The following FIGN variants were observed in gnomAD, a reference collection of about 807,000 sequenced individuals.
FIGN encodes fidgetin.
In FIGN, 11 loss-of-function variants were observed where a neutral mutation model predicts 51.3. That is an observed-to-expected ratio of 0.21 (90% CI 0.13 to 0.35). FIGN has a LOEUF of 0.35. Ranked by LOEUF, FIGN falls within the 10% of genes least tolerant of loss-of-function variation. FIGN has a pLI of 1.00. For synonymous variants in FIGN, 407 were observed against 363.2 expected (o/e 1.12, Z -1.37); for missense variants, 857 against 943.6 (o/e 0.91, Z 1.20).
At chr2:163,717,561 T>A (rs1345410928) in intron 2 of FIGN, among the ~76,000 whole-genome samples, 1 of 152,058 alleles carries the variant, frequency 6.6e-6, no homozygotes, top group Non-Finnish European at 1.5e-5. Context: ...CTCTGAGGGC[T>A]TTCAGAGGGA....
intron 2 of FIGN, among the ~76,000 whole-genome samples, chr2:163,733,994 C>A (rs1684972402): frequency 6.9e-6 from 1 of 145,696 alleles, no homozygotes; most frequent in Non-Finnish European, 1.5e-5. Context: ...TTTGGTTATG[C>A]AAAATACTTT....
In FIGN at chr2:163,604,171, A is replaced by T. The variant is rs1271206499; in HGVS notation, c.*5381T>A. ...CAATCACTGAAGACTATAGTTGAAA[A>T]TAGTTAAGTACCATTATTTCTCTTA... On this transcript the variant is annotated 3_prime_UTR_variant, in exon 3 of 3. Coordinates refer to ENST00000333129, the MANE Select transcript of FIGN (RefSeq NM_018086.4). 6.6e-6 allele frequency: 1 copy of T among 152,136 alleles called. No individual in the cohort carries two copies. The highest frequency in any genetic ancestry group is 2.4e-5 in the African/African-American group (1 of 41,456). The allele number at this position is 152,136 out of a possible 1,614,324, so 9.4% of individuals were successfully genotyped here.
intron 2 of FIGN, among the ~76,000 whole-genome samples, chr2:163,685,460 G>C (rs1413231133): frequency 6.6e-6 from 1 of 152,030 alleles, no homozygotes; most frequent in Non-Finnish European, 1.5e-5. Context: ...ATGTTTGGCC[G>C]TGTTCCCCTT....
chr2:163,700,559 G>T (rs1256417523), intron 2 of FIGN, among the ~76,000 whole-genome samples: 1 of 152,148 alleles, frequency 6.6e-6, no homozygotes, highest in Non-Finnish European at 1.5e-5. Context: ...AGGCTAGGTT[G>T]CAGCAATGTC....
At chr2:163,729,690 G>A (rs920499121) in intron 2 of FIGN, among the ~76,000 whole-genome samples, 1 of 152,124 alleles carries the variant, frequency 6.6e-6, no homozygotes, top group Non-Finnish European at 1.5e-5. Flanking sequence ...CTTTCAAGAT[G>A]TAACAGTTTC....
intron 2 of FIGN, among the ~76,000 whole-genome samples, chr2:163,696,347 C>T (rs1394036656): frequency 1.3e-5 from 2 of 151,888 alleles, no homozygotes; most frequent in Non-Finnish European, 2.9e-5. Context: ...TTTCCTGGTA[C>T]CCCATGAAAC....
chr2:163,708,980 T>C (rs1047938864), intron 2 of FIGN, among the ~76,000 whole-genome samples: 1 of 152,172 alleles, frequency 6.6e-6, no homozygotes, highest in African/African-American at 2.4e-5. Flanking sequence ...AAAAGTAAAG[T>C]TCTCAAAATA....
At chr2:163,621,297 G>A (rs1026641611) in intron 2 of FIGN, among the ~76,000 whole-genome samples, 3 of 151,990 alleles carry the variant, frequency 2.0e-5, no homozygotes, top group Non-Finnish European at 2.9e-5. Flanking sequence ...TTGGCAATTC[G>A]TGCATTAATT....
At position 163,610,974 on chromosome 2, in the gene FIGN, G is replaced by T; in HGVS notation, c.858C>A (p.Pro286=). The change falls in exon 3 of 3, where the codon CCC becomes CCA. Residue 286 remains proline (P), a synonymous_variant. Transcript: ENST00000333129. ...PSGIPAPTPL[P]PTTVPGYTYQ... ...AGGTGTAGCCAGGAACAGTGGTGGG[G>T]GGTAGGGGGGTGGGAGCAGGAATTC... 6.2e-7 allele frequency: 1 copy of T among 1,613,894 alleles called. No individual in the cohort carries two copies. The highest frequency in any genetic ancestry group is 8.5e-7 in the Non-Finnish European group (1 of 1,179,980).
chr2:163,668,016 C>CCCCT (rs1559015017), intron 2 of FIGN, among the ~76,000 whole-genome samples: 1 of 126,290 alleles, frequency 7.9e-6, no homozygotes, highest in African/African-American at 2.9e-5. Flanking sequence ...TACCTCCAAC[C>CCCCT]CCCCCCCCCA....
intron 2 of FIGN, among the ~76,000 whole-genome samples, chr2:163,710,170 A>G (rs1017203831): frequency 6.6e-6 from 1 of 152,192 alleles, no homozygotes; most frequent in Non-Finnish European, 1.5e-5. Context: ...AGCAAATAAA[A>G]TACCCTCGAT....
At chr2:163,642,742 T>G (rs1468152766) in intron 2 of FIGN, among the ~76,000 whole-genome samples, 1 of 152,138 alleles carries the variant, frequency 6.6e-6, no homozygotes, top group Non-Finnish European at 1.5e-5. Flanking sequence ...AATTGTATGT[T>G]GGATAAAATC....
At chr2:163,732,821 AG>A (rs1684952351) in intron 2 of FIGN, among the ~76,000 whole-genome samples, 1 of 152,202 alleles carries the variant, frequency 6.6e-6, no homozygotes, top group Admixed American at 6.5e-5. Flanking sequence ...CAATGTGACA[AG>A]GCAGTCCCTG....
At chr2:163,621,363 G>A (rs1021845268) in intron 2 of FIGN, among the ~76,000 whole-genome samples, 1 of 152,042 alleles carries the variant, frequency 6.6e-6, no homozygotes, top group African/African-American at 2.4e-5. Flanking sequence ...CTATAGTCAG[G>A]GCTGGGTGAC....
intron 2 of FIGN, among the ~76,000 whole-genome samples, chr2:163,679,107 T>C (rs1303388243): frequency 6.6e-6 from 1 of 152,164 alleles, no homozygotes; most frequent in African/African-American, 2.4e-5. Context: ...TTGAAGTTGA[T>C]CATTATAAAT....
chr2:163,628,066 C>G (rs1050303766), intron 2 of FIGN, among the ~76,000 whole-genome samples: 1 of 152,198 alleles, frequency 6.6e-6, no homozygotes, highest in African/African-American at 2.4e-5. Context: ...CAGTTGGCTA[C>G]ACAGTTTAAA....
At chr2:163,717,767 A>G (rs1684691938) in intron 2 of FIGN, among the ~76,000 whole-genome samples, 1 of 152,182 alleles carries the variant, frequency 6.6e-6, no homozygotes, top group East Asian at 1.9e-4. Context: ...GGCCGTGTTA[A>G]TCGGGTGTAA....
intron 2 of FIGN, among the ~76,000 whole-genome samples, chr2:163,682,025 G>A (rs1373072823): frequency 6.6e-6 from 1 of 152,166 alleles, no homozygotes; most frequent in East Asian, 1.9e-4. Context: ...GCTTTCAGGG[G>A]CTGATGTGCT....
At chr2:163,612,530 C>T (rs1410988422) in intron 2 of FIGN, 1 of 985,092 alleles carries the variant, frequency 1.0e-6, no homozygotes, top group Non-Finnish European at 1.2e-6. Flanking sequence ...AAGCCTACAA[C>T]TCGGTATGAA....
Sources: gnomAD v4.1 joint callset for allele counts (sites outside exome capture counted in the v4.1 genomes callset) on GRCh38, gnomAD v4.1.1 for gene constraint, MANE v1.5 for transcripts, NCBI Gene and HGNC (gene_info 2026-07-23, HGNC 2026-07-21) for gene names.